The following RBM46 variants were observed in gnomAD, a reference collection of about 807,000 sequenced individuals.
The protein encoded by RBM46 is probable RNA-binding protein 46.
RBM46 carries 12 observed loss-of-function variants against 43.3 expected under a neutral mutation model. The ratio of observed to expected loss-of-function variants is 0.28; its 90% CI spans 0.18 to 0.45. The LOEUF (loss-of-function observed/expected upper bound fraction) is 0.45. RBM46 is among the 20% of genes least tolerant of loss of function. The pLI is 1.00. For synonymous variants in RBM46, 205 were observed against 207.6 expected, an observed-to-expected ratio of 0.99 and a Z score of 0.11; for missense variants, 412 against 639.1, an observed-to-expected ratio of 0.64 and a Z score of 3.83.
At chr4:154,817,131 A>G (rs1271144900) in intron 4 of RBM46, among the ~76,000 whole-genome samples, 6 of 151,952 alleles carry the variant, frequency 3.9e-5, no homozygotes, top group African/African-American at 1.5e-4. Context: ...TCTTTTCCTC[A>G]TAAAAATAGT....
At chr4:154,781,905 A>G (rs1560885479) in intron 1 of RBM46, 1 of 151,844 alleles carries the variant, frequency 6.6e-6, no homozygotes, top group South Asian at 2.1e-4. Flanking sequence ...GAGGCTTTGG[A>G]CGCCGTCTGG....
At chr4:154,805,752 A>C (rs1734877091) in intron 4 of RBM46, among the ~76,000 whole-genome samples, 1 of 152,006 alleles carries the variant, frequency 6.6e-6, no homozygotes, top group Non-Finnish European at 1.5e-5. Flanking sequence ...TGAAATAAAG[A>C]GAAACTTTCT....
intron 4 of RBM46, among the ~76,000 whole-genome samples, chr4:154,820,937 T>A (rs979662266): frequency 6.6e-5 from 10 of 151,912 alleles, no homozygotes; most frequent in Non-Finnish European, 1.2e-4. Context: ...TTTTTTTACA[T>A]GTAGAGGCAA....
At chr4:154,822,460 ATTAT>A (rs1446771140) in intron 4 of RBM46, among the ~76,000 whole-genome samples, 1 of 151,598 alleles carries the variant, frequency 6.6e-6, no homozygotes, top group African/African-American at 2.4e-5. Context: ...AATGATAGGT[ATTAT>A]TTATGCTTAT....
intron 4 of RBM46, among the ~76,000 whole-genome samples, chr4:154,801,009 C>A (rs1479124657): frequency 1.4e-5 from 2 of 146,534 alleles, no homozygotes; most frequent in Non-Finnish European, 3.0e-5. Context: ...GAGATGGAGT[C>A]TGTCTTTGTC....
At chr4:154,813,770 G>T (rs156580) in intron 4 of RBM46, among the ~76,000 whole-genome samples, 1 of 151,968 alleles carries the variant, frequency 6.6e-6, no homozygotes, top group Non-Finnish European at 1.5e-5. Flanking sequence ...AAAATAGGAA[G>T]AAAGCTTGAA....
At position 154,823,281 on chromosome 4, in the gene RBM46, A is replaced by G. The variant is rs751346435; in HGVS notation, c.1403-4587A>G. Among the ~76,000 whole-genome samples, 92 of 151,908 alleles carry G rather than the reference A, an allele frequency of 6.1e-4. No homozygotes were observed. In the Middle Eastern group the frequency reaches 0.027, roughly 45 times the overall value. ...AGAGAGTGGGAGTAACTGCTAATAGATAACAGAGTTTCTTTTTAGGATGAT... is the reference window on the plus strand; with the variant it reads ...AGAGAGTGGGAGTAACTGCTAATAGGTAACAGAGTTTCTTTTTAGGATGAT... On this transcript the variant is annotated intron_variant, in intron 4 of 4. Coordinates refer to ENST00000281722, the MANE Select transcript of RBM46 (RefSeq NM_144979.5).
intron 1 of RBM46, among the ~76,000 whole-genome samples, chr4:154,788,087 C>T (rs941952234): frequency 3.9e-5 from 6 of 152,100 alleles, no homozygotes; most frequent in African/African-American, 1.4e-4. Flanking sequence ...TGGATATTAG[C>T]CCTTTGTCAG....
chr4:154,791,394 C>T (rs750210004), intron 1 of RBM46, among the ~76,000 whole-genome samples: 1 of 152,152 alleles, frequency 6.6e-6, no homozygotes, highest in Non-Finnish European at 1.5e-5. Flanking sequence ...CCGTGACTCA[C>T]GCCTGTAATT....
intron 4 of RBM46, among the ~76,000 whole-genome samples, chr4:154,825,085 A>G (rs573131420): frequency 6.6e-6 from 1 of 152,250 alleles, no homozygotes; most frequent in Admixed American, 6.5e-5. Flanking sequence ...TAAAACTTAT[A>G]TTCTGAAATT....
chr4:154,820,390 A>G (rs1735668858), intron 4 of RBM46: 1 of 1,526,566 alleles, frequency 6.6e-7, no homozygotes, highest in African/African-American at 1.4e-5. Context: ...TTCAGCCTGG[A>G]CCTGTGTAGA....
intron 1 of RBM46, chr4:154,787,262 C>G (rs1050604645): frequency 2.0e-5 from 3 of 151,884 alleles, no homozygotes; most frequent in African/African-American, 7.2e-5. Context: ...TACATATGTA[C>G]ACATATGCCA....
intron 4 of RBM46, among the ~76,000 whole-genome samples, chr4:154,804,018 C>T (rs1287074331): frequency 2.0e-5 from 3 of 152,150 alleles, no homozygotes; most frequent in East Asian, 3.9e-4. Context: ...TTCTTGCTTT[C>T]GCTGTCTTGC....
intron 4 of RBM46, 186 bp from the exon 5 acceptor site, chr4:154,827,682 A>T: frequency 7.1e-7 from 1 of 1,414,370 alleles, no homozygotes; most frequent in Non-Finnish European, 9.2e-7. Context: ...TAATACTGAC[A>T]AAACTCTCAG....
At chr4:154,826,942 C>A in intron 4 of RBM46, 1 of 1,314,296 alleles carries the variant, frequency 7.6e-7, no homozygotes, top group Non-Finnish European at 9.7e-7. Context: ...GACCTAATTT[C>A]TTTTCTTCCA....
At position 154,797,326 on chromosome 4, in the gene RBM46, G is replaced by A. The variant is rs563381815; in HGVS notation, c.151+423G>A. On this transcript the variant is annotated intron_variant, in intron 2 of 4. Coordinates refer to ENST00000281722, the MANE Select transcript of RBM46 (RefSeq NM_144979.5). Reference sequence around the variant, plus strand: ...AATAGTCAGTACAATTCCTTTGCCCGAAACCCTTCAGTTTATCACACTTAA... The same window carrying A: ...AATAGTCAGTACAATTCCTTTGCCCAAAACCCTTCAGTTTATCACACTTAA... Among the ~76,000 whole-genome samples the A allele has an allele frequency of 7.6e-4, 116 of 152,194 alleles. 1 individual carries two copies. In the South Asian group the frequency reaches 0.011, roughly 15 times the overall value.
At chr4:154,822,133 C>CT (rs1189661897) in intron 4 of RBM46, among the ~76,000 whole-genome samples, 2 of 151,708 alleles carry the variant, frequency 1.3e-5, no homozygotes, top group African/African-American at 4.8e-5. Context: ...AATGCCCATA[C>CT]TTAAAGTGTA....
intron 4 of RBM46, chr4:154,826,619 C>T (rs1735976456): frequency 3.3e-6 from 2 of 608,726 alleles, no homozygotes; most frequent in Non-Finnish European, 5.7e-6. Context: ...TTTATGTCTT[C>T]CTGGAACAGA....
At chr4:154,812,645 A>G (rs1478663659) in intron 4 of RBM46, among the ~76,000 whole-genome samples, 2 of 152,160 alleles carry the variant, frequency 1.3e-5, no homozygotes, top group Non-Finnish European at 2.9e-5. Context: ...ATCAGTCCGA[A>G]TAGGTTTATG....
Sources: allele counts gnomAD v4.1 joint callset (sites outside exome capture counted in the v4.1 genomes callset), GRCh38; gene constraint gnomAD v4.1.1; transcripts MANE v1.5; gene names NCBI Gene and HGNC (gene_info 2026-07-23, HGNC 2026-07-21).